The following NCOR2 variants were observed in gnomAD, a reference collection of about 807,000 sequenced individuals.
NCOR2 encodes CTG repeat protein 26.
NCOR2 carries 81 observed loss-of-function variants against 262.9 expected under a neutral mutation model. That is an observed-to-expected ratio of 0.31 (90% CI 0.26 to 0.37). NCOR2 has a LOEUF of 0.37. Among genes scored for constraint, NCOR2 ranks in the 10% least tolerant of loss-of-function variants. NCOR2 has a pLI of 1.00. For synonymous variants in NCOR2, 1,659 were observed against 1,559.3 expected (o/e 1.06, Z -1.51); for missense variants, 3,385 against 3,621.4 (o/e 0.93, Z 1.68).
chr12:124,372,930 G>A (rs1033364858), intron 19 of NCOR2, among the ~76,000 whole-genome samples: 4 of 152,172 alleles, frequency 2.6e-5, no homozygotes, highest in South Asian at 2.1e-4. Context: ...GAGGGTGGCC[G>A]TGGGCAAAGG....
chr12:124,505,273 C>CAA, intron 1 of NCOR2, among the ~76,000 whole-genome samples: 1 of 152,230 alleles, frequency 6.6e-6, no homozygotes, highest in Non-Finnish European at 1.5e-5. Flanking sequence ...TTGGAACCTT[C>CAA]CCCCAACCCC....
At chr12:124,368,935 G>A (rs952569267) in intron 20 of NCOR2, among the ~76,000 whole-genome samples, 3 of 152,262 alleles carry the variant, frequency 2.0e-5, no homozygotes, top group Admixed American at 6.5e-5. Context: ...TGAAATTGCT[G>A]TTATGATCTT....
At chr12:124,458,262 C>A (rs2045983800) in intron 5 of NCOR2, among the ~76,000 whole-genome samples, 1 of 152,222 alleles carries the variant, frequency 6.6e-6, no homozygotes, top group Non-Finnish European at 1.5e-5. Flanking sequence ...TTTGACGCAG[C>A]CTTTGCCAAG....
chr12:124,443,259 G>A lies in NCOR2; in HGVS notation c.816-5263C>T, dbSNP rs2044938921. On this transcript the variant is annotated intron_variant, in intron 7 of 46. Transcript: ENST00000405201. The surrounding 1 kb of genome is among the most constrained non-coding windows in gnomAD (Gnocchi z 4.4). ...GCCTCGGGGTGGTGGTGATGTGCAT[G>A]CAGCCGTCTGTTTGCCACCGATGGG... is the stretch of plus-strand genomic sequence containing the variant. 6.6e-6 allele frequency among the ~76,000 whole-genome samples: 1 copy of A among 152,220 alleles called. No individual in the cohort carries two copies. The highest frequency in any genetic ancestry group is 1.5e-5 in the Non-Finnish European group (1 of 68,050).
intron 1 of NCOR2, among the ~76,000 whole-genome samples, chr12:124,526,346 C>CGCAG (rs1370704635): frequency 6.6e-6 from 1 of 152,206 alleles, no homozygotes; most frequent in Non-Finnish European, 1.5e-5. Flanking sequence ...GGCCCAGCAA[C>CGCAG]GCAGGCCCTG....
chr12:124,340,972 C>T (rs530019939), intron 34 of NCOR2, among the ~76,000 whole-genome samples: 15 of 152,352 alleles, frequency 9.8e-5, no homozygotes, highest in Non-Finnish European at 1.9e-4. Flanking sequence ...AAGCCCGAGC[C>T]GGGGCATCTC....
intron 22 of NCOR2, among the ~76,000 whole-genome samples, chr12:124,357,288 C>A (rs1336105613): frequency 6.6e-6 from 1 of 152,100 alleles, no homozygotes; most frequent in Non-Finnish European, 1.5e-5. Flanking sequence ...GCTGGGAATA[C>A]AGGCGCCCAC....
At chr12:124,334,886 C>A in intron 40 of NCOR2, 1 of 627,948 alleles carries the variant, frequency 1.6e-6, no homozygotes. Flanking sequence ...AGGAAGGCCT[C>A]ATTGCCCGTG....
At chr12:124,493,232 C>T (rs1704278007) in intron 1 of NCOR2, among the ~76,000 whole-genome samples, 1 of 152,198 alleles carries the variant, frequency 6.6e-6, no homozygotes, top group Admixed American at 6.5e-5. Context: ...GAGGACTCCC[C>T]AAGGCTAGGA....
rs78624214 is a variant in NCOR2 at position 124,389,907 on chromosome 12, T to G, written c.1877-4020A>C. Among the ~76,000 whole-genome samples, 1,276 of 152,092 alleles carry G rather than the reference T, an allele frequency of 8.4e-3. 7 individuals are homozygous for G. Among genetic ancestry groups the G allele is most frequent in the Non-Finnish European group, 0.014 (927 of 67,962 alleles). On this transcript the variant is annotated intron_variant, in intron 16 of 46. Coordinates refer to ENST00000405201, the Ensembl canonical transcript of NCOR2. This position sits in a 1 kb window ranked among gnomAD's most constrained non-coding sequence, Gnocchi z 4.4. ...GGGGAGCCACCCAGAAGGTTGAAAG[T>G]TAACTGAGCTGAACTTTGGATCCTA...
intron 1 of NCOR2, among the ~76,000 whole-genome samples, chr12:124,544,880 C>T (rs1466793492): frequency 3.9e-5 from 6 of 152,082 alleles, no homozygotes; most frequent in African/African-American, 7.2e-5. Context: ...TTCGCAGAGG[C>T]AGTTTCCTCT....
intron 1 of NCOR2, among the ~76,000 whole-genome samples, chr12:124,557,177 G>A (rs2051911107): frequency 6.6e-6 from 1 of 152,208 alleles, no homozygotes; most frequent in African/African-American, 2.4e-5. Flanking sequence ...GTGGGGGATG[G>A]GTCTCAGGGT....
At chr12:124,421,404 G>A (rs911978934) in intron 12 of NCOR2, among the ~76,000 whole-genome samples, 5 of 152,202 alleles carry the variant, frequency 3.3e-5, no homozygotes, top group South Asian at 2.1e-4. Flanking sequence ...CCTAGAGTCC[G>A]CCGTGCCGTC....
At position 124,389,377 on chromosome 12, in the gene NCOR2, C is replaced by T. The variant is rs1269276957; in HGVS notation, c.1877-3490G>A. ...GCGGGCGGGCAGGCGGGCGGGGGAGCGTGGCAGAGGCCCAGGTTCACAAGG... is the reference window on the plus strand; with the variant it reads ...GCGGGCGGGCAGGCGGGCGGGGGAGTGTGGCAGAGGCCCAGGTTCACAAGG... On this transcript the variant is annotated intron_variant, in intron 16 of 46. Coordinates refer to ENST00000405201, the Ensembl canonical transcript of NCOR2. This position sits in a 1 kb window ranked among gnomAD's most constrained non-coding sequence, Gnocchi z 4.4. 6.6e-6 allele frequency among the ~76,000 whole-genome samples: 1 copy of T among 152,146 alleles called. No individual in the cohort carries two copies. Among genetic ancestry groups the T allele is most frequent in the East Asian group, 1.9e-4 (1 of 5,198 alleles).
At position 124,566,169 on chromosome 12, in the gene NCOR2, G is replaced by T. The variant is rs953724620; in HGVS notation, c.-165+1139C>A. ...CATCCTTCCTCCAAATCTGCAAAAA[G>T]GGAAAAATAATAATAATCACAATAA... On this transcript the variant is annotated intron_variant, in intron 1 of 32. Transcript: ENST00000458234. This position sits in a 1 kb window ranked among gnomAD's most constrained non-coding sequence, Gnocchi z 4.3. Among the ~76,000 whole-genome samples, 2 of 151,988 alleles carry T rather than the reference G, an allele frequency of 1.3e-5. No individual in the cohort carries two copies. The highest frequency in any genetic ancestry group is 2.1e-4 in the South Asian group (1 of 4,808).
intron 1 of NCOR2, among the ~76,000 whole-genome samples, chr12:124,546,695 G>A (rs1484168689): frequency 2.0e-5 from 3 of 152,168 alleles, no homozygotes; most frequent in East Asian, 1.9e-4. Flanking sequence ...TTACAGGCAT[G>A]AGCCACCGCG....
At chr12:124,461,318 A>T (rs1277406706) in intron 5 of NCOR2, among the ~76,000 whole-genome samples, 1 of 152,224 alleles carries the variant, frequency 6.6e-6, no homozygotes, top group African/African-American at 2.4e-5. Context: ...AGAGGAAAGG[A>T]AAACCTAGGG....
chr12:124,423,906 C>T (rs556474838), intron 11 of NCOR2, among the ~76,000 whole-genome samples: 1 of 152,320 alleles, frequency 6.6e-6, no homozygotes, highest in East Asian at 1.9e-4. Context: ...GGTCACATGG[C>T]CAGCACGTGG....
intron 13 of NCOR2, among the ~76,000 whole-genome samples, chr12:124,415,606 T>C (rs2042817261): frequency 6.6e-6 from 1 of 152,254 alleles, no homozygotes; most frequent in South Asian, 2.1e-4. Flanking sequence ...AGGGACCTCC[T>C]GCCCGGCTTG....
Sources: allele counts gnomAD v4.1 joint callset (sites outside exome capture counted in the v4.1 genomes callset), GRCh38; gene constraint gnomAD v4.1.1; non-coding constraint Gnocchi (gnomAD v3.1); transcripts MANE v1.5; gene names NCBI Gene and HGNC (gene_info 2026-07-23, HGNC 2026-07-21).